Variants in PTP4A1 observed in about 807,000 individuals in gnomAD.
The protein encoded by PTP4A1 is protein tyrosine phosphatase type IVA 1.
PTP4A1 carries 9 observed loss-of-function variants against 20.5 expected under a neutral mutation model. The ratio of observed to expected loss-of-function variants is 0.44; its 90% CI spans 0.26 to 0.77. PTP4A1 has a LOEUF of 0.77. Among genes scored for constraint, PTP4A1 ranks in the 30% least tolerant of loss-of-function variants. The pLI, the probability that PTP4A1 is intolerant of heterozygous loss-of-function variation, is 0.19. For synonymous variants in PTP4A1, 78 were observed against 67.4 expected, an observed-to-expected ratio of 1.16 and a Z score of -0.77; for missense variants, 137 against 218.8, an observed-to-expected ratio of 0.63 and a Z score of 2.36.
At chr6:63,551,737 C>A (rs2149490533) in intron 3 of PTP4A1, among the ~76,000 whole-genome samples, 1 of 147,242 alleles carries the variant, frequency 6.8e-6, no homozygotes, top group East Asian at 2.1e-4. Context: ...CTTCCTGTGT[C>A]CATGTGTTCT....
intron 1 of PTP4A1, among the ~76,000 whole-genome samples, chr6:63,576,088 T>C (rs889881369): frequency 6.7e-6 from 1 of 149,888 alleles, no homozygotes; most frequent in Non-Finnish European, 1.5e-5. Flanking sequence ...CATATAATTA[T>C]ATATTATATA....
upstream of PTP4A1, among the ~76,000 whole-genome samples, chr6:63,570,362 C>A (rs771476825): frequency 1.3e-5 from 2 of 152,170 alleles, no homozygotes; most frequent in Non-Finnish European, 2.9e-5. Flanking sequence ...TGCATCGTTT[C>A]TCTCAACAGC....
At chr6:63,533,154 G>C (rs1041885620) in intron 2 of PTP4A1, among the ~76,000 whole-genome samples, 3 of 152,210 alleles carry the variant, frequency 2.0e-5, no homozygotes, top group Admixed American at 6.5e-5. Context: ...GGCTGAGGCA[G>C]GTGGGTCACT....
intron 2 of PTP4A1, among the ~76,000 whole-genome samples, chr6:63,535,376 C>T (rs1054037111): frequency 4.6e-5 from 7 of 151,610 alleles, no homozygotes; most frequent in Admixed American, 3.3e-4. Context: ...GCCTGAGGCA[C>T]GAGAATCACT....
chr6:63,525,101 T>C (rs1197905), intron 1 of PTP4A1, among the ~76,000 whole-genome samples: 81,362 of 152,028 alleles, frequency 0.54, 23,622 homozygotes, highest in African/African-American at 0.77. Context: ...TGCATCAAAT[T>C]ATTCAAGGCT....
At chr6:63,558,951 A>G (rs1776809793) in intron 3 of PTP4A1, among the ~76,000 whole-genome samples, 1 of 152,362 alleles carries the variant, frequency 6.6e-6, no homozygotes, top group African/African-American at 2.4e-5. Context: ...GCCTGCACAT[A>G]GTAAGCACTG....
intron 2 of PTP4A1, chr6:63,549,054 G>A: frequency 2.8e-6 from 2 of 722,054 alleles, no homozygotes; most frequent in Non-Finnish European, 2.5e-6. Flanking sequence ...CACCGGCTGA[G>A]CTTTCTTATT....
intron 3 of PTP4A1, 103 bp downstream of exon 3, chr6:63,578,632 A>C (rs911040546): frequency 7.8e-6 from 11 of 1,412,966 alleles, no homozygotes; most frequent in Admixed American, 3.1e-5. Context: ...AATAGACCTC[A>C]AAAAGCTAAA....
intron 1 of PTP4A1, among the ~76,000 whole-genome samples, chr6:63,524,109 T>C (rs1289641806): frequency 2.4e-4 from 37 of 152,120 alleles, no homozygotes; most frequent in Admixed American, 2.4e-3. Context: ...CTCAGCTTTC[T>C]AAGTAGCTGG....
At position 63,583,546 on chromosome 6, in the gene PTP4A1, T is replaced by C. The variant is rs370752378; in HGVS notation, c.*3372T>C. The C allele has an allele frequency of 6.6e-6, 1 of 152,206 alleles. No homozygotes were observed. Among genetic ancestry groups the C allele is most frequent in the South Asian group, 2.1e-4 (1 of 4,828 alleles). 9.4% of individuals were successfully genotyped at this position (152,206 alleles called of 1,614,324 possible). ...TTGATGGTGATTTTATAATTATATA[T>C]ATTGCCGCAGTAACCAGTTAATAAA... is the stretch of plus-strand genomic sequence containing the variant. On this transcript the variant is annotated 3_prime_UTR_variant, in exon 6 of 6. Coordinates refer to ENST00000626021, the MANE Select transcript of PTP4A1 (RefSeq NM_003463.5).
chr6:63,579,182 G>T, intron 4 of PTP4A1, 75 bp from the exon 5 acceptor site: 1 of 1,472,196 alleles, frequency 6.8e-7, no homozygotes, highest in South Asian at 1.2e-5. Flanking sequence ...TTCTGAGTTG[G>T]GGAATGTTTG....
intron 2 of PTP4A1, chr6:63,549,288 A>G: frequency 1.3e-6 from 1 of 753,676 alleles, no homozygotes; most frequent in Non-Finnish European, 2.4e-6. Flanking sequence ...AGGCACTTTC[A>G]GCCACTTACA....
In PTP4A1 at chr6:63,580,327, G is replaced by T. The variant is rs1196498116; in HGVS notation, c.*153G>T. On this transcript the variant is annotated 3_prime_UTR_variant, in exon 6 of 6. Transcript: ENST00000626021. ...CCAGGCCTCAAGCTAGACAGATTTG[G>T]CAACCTCTGTATTTGGGTTACAGTC... The T allele has an allele frequency of 5.2e-5, 33 of 636,572 alleles. No homozygotes were observed. Among genetic ancestry groups the T allele is most frequent in the Admixed American group, 1.3e-4 (5 of 39,466 alleles). 39.4% of individuals were successfully genotyped at this position (636,572 alleles called of 1,614,324 possible). A position where few individuals can be genotyped will look rare whatever the true frequency, so the allele number is the denominator to read the frequency against.
chr6:63,579,393 G>A, intron 5 of PTP4A1, 62 bp downstream of exon 5: 1 of 1,279,382 alleles, frequency 7.8e-7, no homozygotes, highest in Non-Finnish European at 1.1e-6. Flanking sequence ...GTGTCAGTGA[G>A]TTTAATAGTC....
At position 63,580,836 on chromosome 6, in the gene PTP4A1, A is replaced by C. The variant is rs1330405697; in HGVS notation, c.*662A>C. On this transcript the variant is annotated 3_prime_UTR_variant, in exon 6 of 6. Coordinates refer to ENST00000626021, the MANE Select transcript of PTP4A1 (RefSeq NM_003463.5). ...TCCATTTTGAAAATCTACGTTGTAC[A>C]GAAGCACATGTCTTTAATGTCTTCA... is the stretch of plus-strand genomic sequence containing the variant. The C allele has an allele frequency of 6.6e-6, 1 of 152,442 alleles. No homozygotes were observed. The highest frequency in any genetic ancestry group is 1.5e-5 in the Non-Finnish European group (1 of 68,024). 9.4% of individuals were successfully genotyped at this position (152,442 alleles called of 1,614,324 possible). A position where few individuals can be genotyped will look rare whatever the true frequency, so the allele number is the denominator to read the frequency against.
chr6:63,540,217 G>T (rs759968527), intron 2 of PTP4A1, among the ~76,000 whole-genome samples: 10 of 152,136 alleles, frequency 6.6e-5, no homozygotes, highest in Non-Finnish European at 1.3e-4. Flanking sequence ...CTTACTCCTT[G>T]AACAACCTAC....
At chr6:63,543,109 G>T (rs1274884573) in intron 2 of PTP4A1, among the ~76,000 whole-genome samples, 1 of 152,082 alleles carries the variant, frequency 6.6e-6, no homozygotes, top group Non-Finnish European at 1.5e-5. Context: ...TTAAAACAAA[G>T]CTGTGACATC....
Position 63,582,339 on chromosome 6 carries a change from T to G in PTP4A1, c.*2165T>G, listed in dbSNP as rs901868935. On this transcript the variant is annotated 3_prime_UTR_variant, in exon 6 of 6. Coordinates refer to ENST00000626021, the MANE Select transcript of PTP4A1 (RefSeq NM_003463.5). Reference sequence around the variant, plus strand: ...ATGTGCCATCATGATTAATGAAAACTATCTTTTGAGTTTGAAAAGAAATTA... The same window carrying G: ...ATGTGCCATCATGATTAATGAAAACGATCTTTTGAGTTTGAAAAGAAATTA... 6.6e-6 allele frequency: 1 copy of G among 152,666 alleles called. No individual in the cohort carries two copies. The highest frequency in any genetic ancestry group is 2.4e-5 in the African/African-American group (1 of 41,474). 9.5% of individuals were successfully genotyped at this position (152,666 alleles called of 1,614,324 possible).
At chr6:63,526,625 T>A (rs571624145) in intron 1 of PTP4A1, among the ~76,000 whole-genome samples, 1 of 151,656 alleles carries the variant, frequency 6.6e-6, no homozygotes, top group African/African-American at 2.4e-5. Context: ...CTGGCCACCA[T>A]GGTGAAACCC....
Sources: gnomAD v4.1 joint callset for allele counts (sites outside exome capture counted in the v4.1 genomes callset) on GRCh38, gnomAD v4.1.1 for gene constraint, MANE v1.5 for transcripts, NCBI Gene and HGNC (gene_info 2026-07-23, HGNC 2026-07-21) for gene names.